HEATR5A: variants seen among roughly 807,000 people sequenced by gnomAD.
HEATR5A encodes HEAT repeat-containing protein 5A.
In HEATR5A, 178 loss-of-function variants were observed where a neutral mutation model predicts 218.8. The observed-to-expected ratio is 0.81, with a 90% CI of 0.72 to 0.92. The LOEUF (loss-of-function observed/expected upper bound fraction) is 0.92. HEATR5A is among the 40% of genes least tolerant of loss of function. The pLI is 0.00. For missense variants in HEATR5A, 2,420 were observed against 2,418.9 expected, an observed-to-expected ratio of 1.00 and a Z score of -0.01; for synonymous variants, 864 against 871.6, an observed-to-expected ratio of 0.99 and a Z score of 0.15.
chr14:31,293,787 A>C lies in HEATR5A; in HGVS notation c.5833+104T>G, dbSNP rs1328497123. Reference sequence around the variant, plus strand: ...GGGATTAACATAACACCTTTCAATGAATGTGAAATACAGATATAATGTGAC... The same window carrying C: ...GGGATTAACATAACACCTTTCAATGCATGTGAAATACAGATATAATGTGAC... On this transcript the variant is annotated intron_variant, in intron 35 of 35. Coordinates refer to ENST00000543095, the MANE Select transcript of HEATR5A (RefSeq NM_015473.4). The C allele has an allele frequency of 3.7e-6, 4 of 1,072,580 alleles. No individual in the cohort carries two copies. In the East Asian group the frequency reaches 7.8e-5, roughly 21 times the overall value. The allele number at this position is 1,072,580 out of a possible 1,614,324, so 66.4% of individuals were successfully genotyped here.
intron 33 of HEATR5A, 142 bp downstream of exon 33, chr14:31,302,151 CAT>C (rs1165904286): frequency 9.3e-6 from 6 of 645,488 alleles, no homozygotes; most frequent in Non-Finnish European, 5.4e-6. Flanking sequence ...TCTACTTATA[CAT>C]ATCCTCTAAA....
chr14:31,370,083 A>G (rs1901978418), intron 13 of HEATR5A, among the ~76,000 whole-genome samples: 1 of 151,334 alleles, frequency 6.6e-6, no homozygotes, highest in African/African-American at 2.4e-5. Context: ...AAAATTAGCC[A>G]GGCATGGTGG....
At chr14:31,397,624 A>C (rs1234241356) in intron 4 of HEATR5A, among the ~76,000 whole-genome samples, 1 of 149,108 alleles carries the variant, frequency 6.7e-6, no homozygotes, top group Non-Finnish European at 1.5e-5. Flanking sequence ...GCGCCATTGC[A>C]CTCAAGCCTG....
intron 34 of HEATR5A, among the ~76,000 whole-genome samples, chr14:31,294,926 T>C (rs1899130590): frequency 6.6e-6 from 1 of 152,206 alleles, no homozygotes; most frequent in Non-Finnish European, 1.5e-5. Flanking sequence ...ACTTGGAGAC[T>C]GCTATACAAA....
At chr14:31,393,633 C>G (rs1029595806) in intron 6 of HEATR5A, among the ~76,000 whole-genome samples, 1 of 150,138 alleles carries the variant, frequency 6.7e-6, no homozygotes. Flanking sequence ...TCAGGACCTA[C>G]AGCAATGTTT....
At chr14:31,420,367 C>T (rs2031607730) in intron 1 of HEATR5A, 105 bp downstream of exon 1, 2 of 152,328 alleles carry the variant, frequency 1.3e-5, no homozygotes, top group South Asian at 2.1e-4. Flanking sequence ...GCGCTCAACT[C>T]ATACAGCGGC....
At chr14:31,401,185 CCAAATCT>C (rs1363486418) in intron 2 of HEATR5A, among the ~76,000 whole-genome samples, 3 of 152,018 alleles carry the variant, frequency 2.0e-5, no homozygotes, top group Admixed American at 2.0e-4. Flanking sequence ...GCATCCCCAC[CCAAATCT>C]CATGCTGAAT....
At chr14:31,314,499 C>T (rs550315033) in intron 27 of HEATR5A, among the ~76,000 whole-genome samples, 131 of 151,770 alleles carry the variant, frequency 8.6e-4, no homozygotes, top group African/African-American at 2.9e-3. Context: ...TCAGATGATC[C>T]GCCCACCTTG....
intron 9 of HEATR5A, among the ~76,000 whole-genome samples, chr14:31,386,083 T>C (rs1053643491): frequency 6.6e-6 from 1 of 152,126 alleles, no homozygotes; most frequent in African/African-American, 2.4e-5. Flanking sequence ...AGAAAGAAAA[T>C]ACTGCTTTAA....
Position 31,359,279 on chromosome 14 carries a change from AGTGTAAGAGTGTGTGTGT to A in HEATR5A, c.2072-240_2072-223del, listed in dbSNP as rs1476805470. Among the ~76,000 whole-genome samples the A allele has an allele frequency of 6.2e-4, 64 of 102,698 alleles. 1 individual carries two copies. The highest frequency in any genetic ancestry group is 1.3e-3 in the South Asian group (3 of 2,264). The allele number at this position is 102,698 out of a possible 152,430, so 67.4% of individuals were successfully genotyped here. A position where few individuals can be genotyped will look rare whatever the true frequency, so the allele number is the denominator to read the frequency against. ...AATGGATACTAAAAGAACATCTCAA[AGTGTAAGAGTGTGTGTGT>A]GTGTGTGTGTGTGTGTGTGTGTGTG... On this transcript the variant is annotated intron_variant, in intron 14 of 35. Coordinates refer to ENST00000543095, the MANE Select transcript of HEATR5A (RefSeq NM_015473.4).
chr14:31,359,108 A>C, intron 14 of HEATR5A, 51 bp from the exon 15 acceptor site: 1 of 1,540,644 alleles, frequency 6.5e-7, no homozygotes, highest in South Asian at 1.2e-5. Flanking sequence ...ATCTGGTGAG[A>C]GTATGGGATT....
At chr14:31,312,203 T>G (rs901224935) in intron 28 of HEATR5A, among the ~76,000 whole-genome samples, 1 of 152,168 alleles carries the variant, frequency 6.6e-6, no homozygotes, top group East Asian at 1.9e-4. Flanking sequence ...CTCAGAAAGA[T>G]TCATTGTATC....
rs995963284 is a variant in HEATR5A, at chr14:31,333,629, A to G, written c.3367+3847T>C. Among the ~76,000 whole-genome samples, 9 of 152,200 alleles carry G rather than the reference A, an allele frequency of 5.9e-5. No homozygotes were observed. The East Asian group carries it at 1.7e-3, about 29-fold the overall frequency. On this transcript the variant is annotated intron_variant, in intron 22 of 35. Transcript: ENST00000543095. ...TTTCATAGCTAGAGAGGAGAAGCCA[A>G]TTCCTAGATTCAAAGGATAGGCTGA... is the stretch of plus-strand genomic sequence containing the variant.
At chr14:31,315,396 A>G (rs1341223142) in intron 27 of HEATR5A, among the ~76,000 whole-genome samples, 2 of 152,358 alleles carry the variant, frequency 1.3e-5, no homozygotes, top group East Asian at 3.9e-4. Flanking sequence ...AATAACGACT[A>G]CTTACTATTC....
intron 29 of HEATR5A, among the ~76,000 whole-genome samples, chr14:31,308,682 CAT>C (rs1899634711): frequency 6.6e-6 from 1 of 152,060 alleles, no homozygotes; most frequent in Non-Finnish European, 1.5e-5. Context: ...TGTGCTTTGA[CAT>C]ACATCTTTTT....
At chr14:31,350,146 A>C (rs910910889) in intron 17 of HEATR5A, among the ~76,000 whole-genome samples, 167 bp from the exon 18 acceptor site, 2 of 151,624 alleles carry the variant, frequency 1.3e-5, no homozygotes, top group African/African-American at 4.8e-5. Context: ...ATATAATTTC[A>C]TTTTTTTTTA....
In HEATR5A at chr14:31,371,871, TAAG is replaced by T. The variant is rs778450871; in HGVS notation, c.1897_1899del (p.Leu633del). On this transcript the variant is annotated inframe_deletion, in exon 13 of 36. Transcript: ENST00000543095. ...AGAAGACGCTGAGTTACTTCCTCAG[TAAG>T]AAGATCACCACAGTGGGAAACAAAG... The T allele has an allele frequency of 8.4e-6, 13 of 1,552,420 alleles. No homozygotes were observed. Among genetic ancestry groups the T allele is most frequent in the South Asian group, 4.8e-5 (4 of 83,378 alleles).
At chr14:31,295,856 A>G in intron 34 of HEATR5A, 53 bp downstream of exon 34, 1 of 1,471,376 alleles carries the variant, frequency 6.8e-7, no homozygotes, top group Non-Finnish European at 9.3e-7. Context: ...AAAATTTTCT[A>G]AAGGCCTAGC....
At chr14:31,395,801 C>T (rs1439460956) in intron 4 of HEATR5A, among the ~76,000 whole-genome samples, 1 of 152,122 alleles carries the variant, frequency 6.6e-6, no homozygotes, top group Non-Finnish European at 1.5e-5. Context: ...AAAGTGCTTA[C>T]AACAAGCCCA....
Sources: allele counts gnomAD v4.1 joint callset (sites outside exome capture counted in the v4.1 genomes callset), GRCh38; gene constraint gnomAD v4.1.1; transcripts MANE v1.5; gene names NCBI Gene and HGNC (gene_info 2026-07-23, HGNC 2026-07-21).